EDARADD: variants seen among roughly 807,000 people sequenced by gnomAD.
EDARADD encodes the protein EDAR associated via death domain, also known as ectodysplasin-A receptor-associated adapter protein.
A neutral mutation model predicts 25.6 loss-of-function variants in EDARADD; 20 were observed. That is an observed-to-expected ratio of 0.78 (90% CI 0.55 to 1.14). The LOEUF is 1.14. EDARADD is among the 50% of genes most tolerant of loss of function. The probability of loss-of-function intolerance (pLI) is 0.00; values close to 1 mark genes in which losing one functional copy is unlikely to be tolerated. For synonymous variants in EDARADD, 86 were observed against 94.4 expected, an observed-to-expected ratio of 0.91 and a Z score of 0.52; for missense variants, 225 against 270.1, an observed-to-expected ratio of 0.83 and a Z score of 1.17.
chr1:236,366,084 T>C (rs1306971305), intron 3 of EDARADD, among the ~76,000 whole-genome samples: 1 of 152,256 alleles, frequency 6.6e-6, no homozygotes, highest in East Asian at 1.9e-4. Flanking sequence ...TCGGTGTCAG[T>C]TCTGGGACAG....
At chr1:236,442,655 G>T (rs1386430253) in intron 4 of EDARADD, among the ~76,000 whole-genome samples, 3 of 152,130 alleles carry the variant, frequency 2.0e-5, no homozygotes, top group Admixed American at 1.3e-4. Context: ...ACCAGGCTTG[G>T]ATAACAGCAC....
intron 4 of EDARADD, among the ~76,000 whole-genome samples, chr1:236,456,837 G>A (rs1463299317): frequency 5.9e-5 from 9 of 151,620 alleles, no homozygotes; most frequent in Non-Finnish European, 1.0e-4. Context: ...CCCTGCAGCC[G>A]TCCTGTGGCC....
intron 4 of EDARADD, among the ~76,000 whole-genome samples, chr1:236,429,238 T>TTTTTGG (rs1397720768): frequency 7.6e-6 from 1 of 132,014 alleles, no homozygotes; most frequent in African/African-American, 2.6e-5. Context: ...TTTTTTTTTT[T>TTTTTGG]GAGGCAGTCT....
intron 1 of EDARADD, among the ~76,000 whole-genome samples, chr1:236,405,822 T>TTTCCTTCCTTCCCTTCC (rs1667711988): frequency 1.8e-5 from 1 of 55,392 alleles, no homozygotes; most frequent in African/African-American, 7.8e-5. Flanking sequence ...CCTTCCTTCC[T>TTTCCTTCCTTCCCTTCC]TTCCTTCCTT....
At chr1:236,377,818 A>G (rs547777254) in intron 3 of EDARADD, among the ~76,000 whole-genome samples, 1 of 152,012 alleles carries the variant, frequency 6.6e-6, no homozygotes, top group Non-Finnish European at 1.5e-5. Context: ...AGATCGTGCC[A>G]CTGCACTCCA....
At chr1:236,457,106 A>AT (rs1345264839) in intron 4 of EDARADD, among the ~76,000 whole-genome samples, 4 of 152,164 alleles carry the variant, frequency 2.6e-5, no homozygotes, top group Non-Finnish European at 4.4e-5. Flanking sequence ...CAAAAATGAT[A>AT]TTTTTTAAAA....
At chr1:236,386,800 C>G (rs1667358465) in intron 3 of EDARADD, among the ~76,000 whole-genome samples, 1 of 64,104 alleles carries the variant, frequency 1.6e-5, no homozygotes, top group Non-Finnish European at 3.2e-5. Context: ...CGCCCGGCAG[C>G]CACCCCGTCC....
At chr1:236,357,922 G>A (rs1455284113) in intron 3 of EDARADD, among the ~76,000 whole-genome samples, 1 of 150,790 alleles carries the variant, frequency 6.6e-6, no homozygotes, top group African/African-American at 2.4e-5. Flanking sequence ...GCCCAGGCTG[G>A]AGCGAAATGG....
At position 236,400,435 on chromosome 1, in the gene EDARADD, G is replaced by A. The variant is rs185277412; in HGVS notation, c.61+5930G>A. 3.9e-5 allele frequency among the ~76,000 whole-genome samples: 6 copies of A among 152,222 alleles called. No individual in the cohort carries two copies. In the East Asian group the frequency reaches 1.2e-3, roughly 29 times the overall value. ...GGGGTCTGAGGTTGACAGAGTAGCCGAGGTCAGGGTGAGGTGCTGAAAAGA... is the reference window on the plus strand; with the variant it reads ...GGGGTCTGAGGTTGACAGAGTAGCCAAGGTCAGGGTGAGGTGCTGAAAAGA... On this transcript the variant is annotated intron_variant, in intron 1 of 5. Coordinates refer to ENST00000334232, the MANE Select transcript of EDARADD (RefSeq NM_145861.4).
intron 4 of EDARADD, among the ~76,000 whole-genome samples, chr1:236,433,251 C>A (rs1658154668): frequency 6.6e-6 from 1 of 151,518 alleles, no homozygotes; most frequent in Non-Finnish European, 1.5e-5. Flanking sequence ...TTTTTGTATG[C>A]ATAATTATAA....
At chr1:236,454,024 G>C (rs1002939660) in intron 4 of EDARADD, among the ~76,000 whole-genome samples, 1 of 151,094 alleles carries the variant, frequency 6.6e-6, no homozygotes, top group Non-Finnish European at 1.5e-5. Context: ...CAAGGATGCA[G>C]AGTTTGTATC....
chr1:236,361,581 C>T (rs1235220089), intron 3 of EDARADD, among the ~76,000 whole-genome samples: 4 of 149,732 alleles, frequency 2.7e-5, no homozygotes, highest in Admixed American at 1.3e-4. Context: ...CTGCCCACCT[C>T]GGCCTCCCAA....
At chr1:236,448,381 C>T (rs1226155960) in intron 4 of EDARADD, among the ~76,000 whole-genome samples, 8 of 152,190 alleles carry the variant, frequency 5.3e-5, no homozygotes, top group Admixed American at 5.2e-4. Context: ...CCATGGAAGG[C>T]CTGCTGGGCT....
chr1:236,376,657 A>G (rs1470113962), intron 3 of EDARADD, among the ~76,000 whole-genome samples: 1 of 152,000 alleles, frequency 6.6e-6, no homozygotes, highest in Non-Finnish European at 1.5e-5. Flanking sequence ...ATTTTTTGGC[A>G]TTTATCCTGC....
At chr1:236,406,325 G>A (rs971704077) in intron 1 of EDARADD, among the ~76,000 whole-genome samples, 1 of 152,162 alleles carries the variant, frequency 6.6e-6, no homozygotes, top group Non-Finnish European at 1.5e-5. Flanking sequence ...ACGTGTGTCC[G>A]GCTGTAAGGA....
intron 3 of EDARADD, among the ~76,000 whole-genome samples, chr1:236,374,280 CCCTT>C (rs1230675767): frequency 7.3e-6 from 1 of 136,148 alleles, no homozygotes; most frequent in African/African-American, 2.7e-5. Context: ...CTCCCTTCCT[CCCTT>C]CCTTCCTTCC....
intron 2 of EDARADD, among the ~76,000 whole-genome samples, chr1:236,350,518 T>G (rs644581): frequency 0.35 from 52,821 of 152,086 alleles, 9,474 homozygotes; most frequent in African/African-American, 0.44. Flanking sequence ...CAGGTCATCC[T>G]CCCGCCTCGG....
At chr1:236,408,945 C>T (rs1315318258) in intron 1 of EDARADD, among the ~76,000 whole-genome samples, 2 of 151,230 alleles carry the variant, frequency 1.3e-5, no homozygotes, top group Admixed American at 6.6e-5. Context: ...TTAGTAGAGA[C>T]AGGGTTTTAC....
intron 3 of EDARADD, among the ~76,000 whole-genome samples, chr1:236,421,710 C>T (rs1305873100): frequency 6.6e-6 from 1 of 151,866 alleles, no homozygotes; most frequent in East Asian, 1.9e-4. Context: ...GTTAACCTAA[C>T]CTCTAACTGG....
Sources: gnomAD v4.1 joint callset for allele counts (sites outside exome capture counted in the v4.1 genomes callset) on GRCh38, gnomAD v4.1.1 for gene constraint, MANE v1.5 for transcripts, NCBI Gene and HGNC (gene_info 2026-07-23, HGNC 2026-07-21) for gene names.